SRRM3: variants seen among roughly 807,000 people sequenced by gnomAD.
SRRM3 encodes serine/arginine repetitive matrix 3.
In SRRM3, 27 loss-of-function variants were observed where a neutral mutation model predicts 66.2. The observed-to-expected ratio is 0.41, with a 90% confidence interval of 0.30 to 0.56. SRRM3 has a LOEUF of 0.56. Among genes scored for constraint, SRRM3 ranks in the 20% least tolerant of loss-of-function variants. The probability of loss-of-function intolerance (pLI) is 0.32; values close to 1 mark genes in which losing one functional copy is unlikely to be tolerated. For synonymous variants in SRRM3, 391 were observed against 414.9 expected (o/e 0.94, Z 0.70); for missense variants, 918 against 991.9 (o/e 0.93, Z 1.00).
intron 1 of SRRM3, among the ~76,000 whole-genome samples, chr7:76,221,553 G>A (rs1002852416): frequency 1.3e-5 from 2 of 150,892 alleles, no homozygotes; most frequent in Admixed American, 6.6e-5. Flanking sequence ...TAGTAGAGAC[G>A]GGGTTTCACC....
At chr7:76,237,455 G>A (rs1260090880) in intron 2 of SRRM3, among the ~76,000 whole-genome samples, 5 of 152,112 alleles carry the variant, frequency 3.3e-5, no homozygotes, top group Admixed American at 1.3e-4. Flanking sequence ...AGCGCCTGTA[G>A]TCCCAGCTAC....
chr7:76,248,844 G>A (rs1300737423), intron 3 of SRRM3, among the ~76,000 whole-genome samples: 1 of 152,186 alleles, frequency 6.6e-6, no homozygotes, highest in African/African-American at 2.4e-5. Context: ...TCCGGGCATA[G>A]TGGCACATGC....
intron 3 of SRRM3, among the ~76,000 whole-genome samples, chr7:76,258,665 G>T (rs1801775903): frequency 7.7e-6 from 1 of 129,514 alleles, no homozygotes; most frequent in African/African-American, 2.9e-5. Flanking sequence ...AGTGAGCTGA[G>T]ATCATGCCAC....
At position 76,263,877 on chromosome 7, in the gene SRRM3, C is replaced by CAAAAAAAA. The variant is rs781852712; in HGVS notation, c.675-867_675-860dup. Reference sequence around the variant, plus strand: ...AACAGAGCGGGACTCTGTCTCAAGACAAAAAAAAAAAAAAAAAAAAAAAAA... The same window carrying CAAAAAAAA: ...AACAGAGCGGGACTCTGTCTCAAGACAAAAAAAAAAAAAAAAAAAAAAAAAAAAAAAAA... On this transcript the variant is annotated intron_variant, in intron 8 of 14. Transcript: ENST00000611745. Among the ~76,000 whole-genome samples, 16 of 49,526 alleles carry CAAAAAAAA rather than the reference C, an allele frequency of 3.2e-4. 4 individuals are homozygous for CAAAAAAAA. The highest frequency in any genetic ancestry group is 9.1e-4 in the South Asian group (1 of 1,100). The allele number at this position is 49,526 out of a possible 152,430, so 32.5% of individuals were successfully genotyped here. A position where few individuals can be genotyped will look rare whatever the true frequency, so the allele number is the denominator to read the frequency against.
intron 3 of SRRM3, among the ~76,000 whole-genome samples, chr7:76,250,644 T>G (rs1409831374): frequency 6.6e-6 from 1 of 152,122 alleles, no homozygotes; most frequent in Non-Finnish European, 1.5e-5. Context: ...GGGTAAAGTA[T>G]TTCCCACCTT....
At chr7:76,229,385 G>C (rs935102883) in intron 1 of SRRM3, among the ~76,000 whole-genome samples, 7 of 152,134 alleles carry the variant, frequency 4.6e-5, no homozygotes, top group Non-Finnish European at 8.8e-5. Context: ...ATCTGGCAAT[G>C]CTAGCTAAAC....
rs561559244 is a variant in SRRM3, at chr7:76,221,056, C to CTT, written c.-39-13955_-39-13954dup. 2.2e-3 allele frequency among the ~76,000 whole-genome samples: 308 copies of CTT among 138,148 alleles called. 2 individuals are homozygous for CTT. The highest frequency in any genetic ancestry group is 7.2e-3 in the African/African-American group (272 of 37,862). 90.6% of individuals were successfully genotyped at this position (138,148 alleles called of 152,430 possible). On this transcript the variant is annotated intron_variant, in intron 1 of 14. Transcript: ENST00000611745. The stretch of plus-strand genomic sequence containing the variant: ...CTCCCTGCAGTGTCTTCTTACCCGT[C>CTT]TTTTTTTTTTTTTTTTTTCCAGACA...
chr7:76,257,453 A>C (rs1467554946), intron 3 of SRRM3, among the ~76,000 whole-genome samples: 11 of 151,118 alleles, frequency 7.3e-5, no homozygotes, highest in Non-Finnish European at 1.3e-4. Flanking sequence ...TAAAAAAAAA[A>C]AAAAAAAAAA....
chr7:76,268,609 C>G (rs1301332423), intron 11 of SRRM3: 1 of 152,278 alleles, frequency 6.6e-6, no homozygotes, highest in Non-Finnish European at 1.5e-5. Context: ...TTTACTCCCA[C>G]GGCCTCAGAG....
chr7:76,212,859 G>A (rs576986045), intron 1 of SRRM3, among the ~76,000 whole-genome samples: 25 of 152,110 alleles, frequency 1.6e-4, no homozygotes, highest in Non-Finnish European at 2.8e-4. Flanking sequence ...GGTTCCCTTC[G>A]CCTGGAATGC....
At chr7:76,262,639 TAGTC>T (rs1346370926) in intron 8 of SRRM3, among the ~76,000 whole-genome samples, 2 of 149,772 alleles carry the variant, frequency 1.3e-5, no homozygotes, top group Non-Finnish European at 3.0e-5. Flanking sequence ...TTGGCCAACA[TAGTC>T]AGTCTCTACT....
In SRRM3 at chr7:76,266,456, TTA is replaced by T. The variant is rs1480050925; in HGVS notation, c.831-794_831-793del. On this transcript the variant is annotated intron_variant, in intron 10 of 14. Coordinates refer to ENST00000611745, the MANE Select transcript of SRRM3 (RefSeq NM_001110199.3). ...TAAATATAGATATATATTTTAATAT[TTA>T]TATATATTATAAATATTTATATATT... is the stretch of plus-strand genomic sequence containing the variant. 2.0e-4 allele frequency among the ~76,000 whole-genome samples: 22 copies of T among 111,824 alleles called. 2 individuals are homozygous for T. The highest frequency in any genetic ancestry group is 9.5e-4 in the South Asian group (4 of 4,228). The allele number at this position is 111,824 out of a possible 152,430, so 73.4% of individuals were successfully genotyped here. A position where few individuals can be genotyped will look rare whatever the true frequency, so the allele number is the denominator to read the frequency against.
chr7:76,233,201 C>T (rs1178461480), intron 1 of SRRM3, among the ~76,000 whole-genome samples: 2 of 152,122 alleles, frequency 1.3e-5, no homozygotes, highest in Non-Finnish European at 2.9e-5. Flanking sequence ...GTTCCAGCTA[C>T]TGGGGAGACT....
intron 1 of SRRM3, among the ~76,000 whole-genome samples, chr7:76,222,392 T>C (rs1166681374): frequency 1.7e-4 from 24 of 141,728 alleles, no homozygotes; most frequent in Middle Eastern, 3.4e-3. Flanking sequence ...CCAGCCTGGG[T>C]GATAGGAGAC....
rs954589054 is a variant in SRRM3, at chr7:76,283,415, C to T, written c.1733+314C>T. ...TACTTGGGTCTGGGTGGGCCGCAGC[C>T]GGCATGGAATTCAGCTCTGCAAGAG... is the stretch of plus-strand genomic sequence containing the variant. On this transcript the variant is annotated intron_variant, in intron 14 of 14. Coordinates refer to ENST00000611745, the MANE Select transcript of SRRM3 (RefSeq NM_001110199.3). 6.6e-5 allele frequency: 34 copies of T among 517,992 alleles called. 1 individual carries two copies. Among genetic ancestry groups the T allele is most frequent in the South Asian group, 1.6e-4 (9 of 55,014 alleles). 32.1% of individuals were successfully genotyped at this position (517,992 alleles called of 1,614,324 possible). A position where few individuals can be genotyped will look rare whatever the true frequency, so the allele number is the denominator to read the frequency against.
rs1200989662 is a variant in SRRM3 at position 76,282,834 on chromosome 7, C to T, written c.1557C>T (p.Ser519=). The change falls in exon 13 of 15, where the codon AGC becomes AGT. Residue 519 remains serine, a synonymous_variant. Coordinates refer to ENST00000611745, the MANE Select transcript of SRRM3 (RefSeq NM_001110199.3). ...GCTCTGCGGAGAAGCGGCCCCACAG[C>T]CCCAGCCGCTCGCCGTCGCCCAAGA... ...RSRSAEKRPH[S]PSRSPSPKKP... 9 of 1,456,542 alleles carry T rather than the reference C, an allele frequency of 6.2e-6. No individual in the cohort carries two copies. The East Asian group carries it at 1.2e-4, about 20-fold the overall frequency. 90.2% of individuals were successfully genotyped at this position (1,456,542 alleles called of 1,614,324 possible).
At chr7:76,242,434 G>A (rs1219688579) in intron 2 of SRRM3, among the ~76,000 whole-genome samples, 10 of 150,770 alleles carry the variant, frequency 6.6e-5, no homozygotes, top group African/African-American at 1.7e-4. Context: ...GTGGTGAGCC[G>A]AGATTGCACC....
chr7:76,251,639 G>T (rs1395188812), intron 3 of SRRM3, among the ~76,000 whole-genome samples: 1 of 152,118 alleles, frequency 6.6e-6, no homozygotes, highest in Non-Finnish European at 1.5e-5. Context: ...CTCCCAAAGT[G>T]CTGGGATTAC....
rs782516117 is a variant in SRRM3, at chr7:76,282,631, C to G, written c.1371-17C>G. On this transcript the variant is annotated splice_polypyrimidine_tract_variant and intron_variant, in intron 12 of 14. Coordinates refer to ENST00000611745, the MANE Select transcript of SRRM3 (RefSeq NM_001110199.3). Reference sequence around the variant, plus strand: ...CCGGGTCGCTGAGCCCTATCCCGCGCCGTCTCCCTCCTCCAGGGCCAAGGA... The same window carrying G: ...CCGGGTCGCTGAGCCCTATCCCGCGGCGTCTCCCTCCTCCAGGGCCAAGGA... The G allele has an allele frequency of 2.8e-6, 4 of 1,405,378 alleles. No homozygotes were observed. In the African/African-American group the frequency reaches 4.5e-5, roughly 16 times the overall value. 87.1% of individuals were successfully genotyped at this position (1,405,378 alleles called of 1,614,324 possible).
Sources: allele counts gnomAD v4.1 joint callset (sites outside exome capture counted in the v4.1 genomes callset), GRCh38; gene constraint gnomAD v4.1.1; transcripts MANE v1.5; gene names NCBI Gene and HGNC (gene_info 2026-07-23, HGNC 2026-07-21).